The following BCR variants were observed in gnomAD, a reference collection of about 807,000 sequenced individuals.
BCR encodes the protein BCR activator of RhoGEF and GTPase.
A neutral mutation model predicts 138.6 loss-of-function variants in BCR; 58 were observed. The observed-to-expected ratio is 0.42, with a 90% confidence interval of 0.34 to 0.52. BCR has a LOEUF of 0.52. Ranked by LOEUF, BCR falls within the 20% of genes least tolerant of loss-of-function variation. The pLI, the probability that BCR is intolerant of heterozygous loss-of-function variation, is 0.06. For synonymous variants in BCR, 786 were observed against 730.1 expected (o/e 1.08, Z -1.23); for missense variants, 1,599 against 1,727.2 (o/e 0.93, Z 1.32).
intron 1 of BCR, among the ~76,000 whole-genome samples, chr22:23,224,298 C>T (rs2072863308): frequency 1.3e-5 from 2 of 152,124 alleles, no homozygotes; most frequent in South Asian, 2.1e-4. Flanking sequence ...GGGGGAGGAC[C>T]GAGGTCCAGG....
At chr22:23,194,692 A>G (rs1027916764) in intron 1 of BCR, among the ~76,000 whole-genome samples, 2 of 151,254 alleles carry the variant, frequency 1.3e-5, no homozygotes, top group Non-Finnish European at 2.9e-5. Context: ...GATTACAGGC[A>G]TGAGCCACTG....
At chr22:23,298,112 G>A (rs565408318) in intron 16 of BCR, among the ~76,000 whole-genome samples, 19 of 152,338 alleles carry the variant, frequency 1.2e-4, no homozygotes, top group African/African-American at 4.6e-4. Flanking sequence ...TGGGCTCAAT[G>A]CTGAAGTCAC....
chr22:23,197,301 G>A (rs889734473), intron 1 of BCR, among the ~76,000 whole-genome samples: 1 of 152,116 alleles, frequency 6.6e-6, no homozygotes, highest in Non-Finnish European at 1.5e-5. Flanking sequence ...GGTTTGTGTA[G>A]GTACACTCTA....
chr22:23,272,749 TG>T (rs1686824772), intron 6 of BCR, among the ~76,000 whole-genome samples: 1 of 152,010 alleles, frequency 6.6e-6, no homozygotes, highest in Non-Finnish European at 1.5e-5. Flanking sequence ...CCTCCAGAAT[TG>T]GGGCCCACCC....
chr22:23,289,470 CA>C (rs780555900), intron 12 of BCR, 46 bp from the exon 13 acceptor site: 10 of 1,522,852 alleles, frequency 6.6e-6, no homozygotes, highest in Non-Finnish European at 9.1e-6. Context: ...GCCAGAGGGC[CA>C]AGGAGCAGAT....
intron 1 of BCR, among the ~76,000 whole-genome samples, chr22:23,206,987 A>G (rs1555874987): frequency 8.7e-6 from 1 of 115,490 alleles, no homozygotes; most frequent in Non-Finnish European, 1.6e-5. Flanking sequence ...CCATCCATCC[A>G]TCATCTGTCT....
chr22:23,226,396 G>A (rs1191340132), intron 1 of BCR, among the ~76,000 whole-genome samples: 1 of 151,932 alleles, frequency 6.6e-6, no homozygotes, highest in Non-Finnish European at 1.5e-5. Context: ...AGAGAGCAAA[G>A]GATCTTCTTT....
intron 10 of BCR, 91 bp from the exon 11 acceptor site, chr22:23,287,068 T>C: frequency 6.5e-7 from 1 of 1,543,236 alleles, no homozygotes; most frequent in African/African-American, 1.4e-5. Flanking sequence ...CTCTGCAGGC[T>C]GAATGCAGCT....
intron 4 of BCR, chr22:23,262,897 C>G (rs911713104): frequency 9.3e-7 from 1 of 1,075,882 alleles, no homozygotes; most frequent in Non-Finnish European, 1.1e-6. Context: ...GGGGCTGAGG[C>G]GGGAGCGAGG....
chr22:23,219,795 T>C (rs2072801705), intron 1 of BCR, among the ~76,000 whole-genome samples: 1 of 152,316 alleles, frequency 6.6e-6, no homozygotes, highest in East Asian at 1.9e-4. Flanking sequence ...TTGAGGCTAC[T>C]TTCTGCAGTC....
At chr22:23,284,178 G>T (rs1268462381) in intron 9 of BCR, 80 bp downstream of exon 9, 4 of 1,565,590 alleles carry the variant, frequency 2.6e-6, no homozygotes, top group Non-Finnish European at 3.5e-6. Flanking sequence ...TCATGGCGGA[G>T]GTCAGTGGTG....
At chr22:23,263,297 C>G in intron 4 of BCR, 1 of 1,148,432 alleles carries the variant, frequency 8.7e-7, no homozygotes, top group South Asian at 1.3e-5. Context: ...AGGTGTACCG[C>G]TGGCTGTGGC....
chr22:23,215,679 A>G (rs2072743727), intron 1 of BCR, among the ~76,000 whole-genome samples: 1 of 152,178 alleles, frequency 6.6e-6, no homozygotes, highest in South Asian at 2.1e-4. Flanking sequence ...GTCAGTGATG[A>G]AGGCAGAGTG....
At chr22:23,244,869 G>C (rs1948370932) in intron 1 of BCR, among the ~76,000 whole-genome samples, 1 of 152,176 alleles carries the variant, frequency 6.6e-6, no homozygotes, top group South Asian at 2.1e-4. Context: ...GCACCAGCCG[G>C]CCCCCAACCT....
Position 23,289,418 on chromosome 22 carries a change from T to C in BCR, c.2603-99T>C, listed in dbSNP as rs539797198. The C allele has an allele frequency of 1.0e-5, 10 of 997,970 alleles. No homozygotes were observed. The South Asian group carries it at 1.3e-4, about 13-fold the overall frequency. The allele number at this position is 997,970 out of a possible 1,614,324, so 61.8% of individuals were successfully genotyped here. The stretch of plus-strand genomic sequence containing the variant: ...CAAGCCCTGGCACCAGTTCTTGCCG[T>C]GCCCCTTCCCCAGGGTGTGTGGTGG... On this transcript the variant is annotated intron_variant, in intron 12 of 22. Transcript: ENST00000305877.
At chr22:23,190,428 A>G (rs1043479116) in intron 1 of BCR, among the ~76,000 whole-genome samples, 2 of 152,096 alleles carry the variant, frequency 1.3e-5, no homozygotes, top group African/African-American at 2.4e-5. Flanking sequence ...TCGGCCTCCA[A>G]AAGTGCTGGG....
chr22:23,287,185 G>A lies in BCR; in HGVS notation c.2433G>A (p.Thr811=), dbSNP rs147018000. Residue 811 remains threonine, a synonymous_variant, in exon 11 of 23, where the codon ACG becomes ACA. Coordinates refer to ENST00000305877, the MANE Select transcript of BCR (RefSeq NM_004327.4). Reference sequence around the variant, plus strand: ...GGGCGAACAAGGGCAGCAAGGCTACGGAGAGGCTGAAGAAGAAGCTGTCGG... The same window carrying A: ...GGGCGAACAAGGGCAGCAAGGCTACAGAGAGGCTGAAGAAGAAGCTGTCGG... ...EKRANKGSKA[T]ERLKKKLSEQ... is the part of the protein sequence containing the mutation. 8.8e-5 allele frequency: 139 copies of A among 1,576,330 alleles called. No individual in the cohort carries two copies. The highest frequency in any genetic ancestry group is 1.7e-4 in the Middle Eastern group (1 of 6,026).
chr22:23,314,490 C>T (rs1370848368), intron 21 of BCR, 62 bp from the exon 22 acceptor site: 2 of 1,584,560 alleles, frequency 1.3e-6, no homozygotes, highest in East Asian at 2.2e-5. Context: ...CACAGCCCAG[C>T]CCCTCTGCCT....
At chr22:23,211,358 C>T (rs1401079761) in intron 1 of BCR, among the ~76,000 whole-genome samples, 1 of 151,654 alleles carries the variant, frequency 6.6e-6, no homozygotes, top group East Asian at 1.9e-4. Flanking sequence ...CCACTACACC[C>T]AGCTAATTTT....
Sources: gnomAD v4.1 joint callset for allele counts (sites outside exome capture counted in the v4.1 genomes callset) on GRCh38, gnomAD v4.1.1 for gene constraint, MANE v1.5 for transcripts, NCBI Gene and HGNC (gene_info 2026-07-23, HGNC 2026-07-21) for gene names.